The following DMXL1 variants were observed in gnomAD, a reference collection of about 807,000 sequenced individuals.
The protein encoded by DMXL1 is dmX-like protein 1.
In DMXL1, 99 loss-of-function variants were observed where a neutral mutation model predicts 319.2. The ratio of observed to expected loss-of-function variants is 0.31; its 90% confidence interval spans 0.26 to 0.37. The LOEUF is 0.37. DMXL1 is among the 10% of genes least tolerant of loss of function. DMXL1 has a pLI of 1.00. For synonymous variants in DMXL1, 1,385 were observed against 1,235.2 expected (o/e 1.12, Z -2.54); for missense variants, 3,745 against 3,595.6 (o/e 1.04, Z -1.06).
chr5:119,202,215 A>T (rs554465319), intron 32 of DMXL1, among the ~76,000 whole-genome samples: 71 of 152,104 alleles, frequency 4.7e-4, no homozygotes, highest in Admixed American at 1.6e-3. Flanking sequence ...AGTGCTGTGA[A>T]TTTCCCTCTT....
At chr5:119,125,221 G>A (rs1312089813) in intron 9 of DMXL1, among the ~76,000 whole-genome samples, 4 of 152,122 alleles carry the variant, frequency 2.6e-5, no homozygotes, top group African/African-American at 9.7e-5. Flanking sequence ...ATACAGAATG[G>A]TGACTTTTTT....
intron 1 of DMXL1, among the ~76,000 whole-genome samples, chr5:119,078,910 A>G (rs917604468): frequency 5.3e-5 from 8 of 152,240 alleles, no homozygotes; most frequent in African/African-American, 1.9e-4. Context: ...AGCATGAGTT[A>G]ATTTAGCAAC....
intron 2 of DMXL1, among the ~76,000 whole-genome samples, chr5:119,098,487 T>A (rs1037041119): frequency 2.6e-5 from 4 of 152,270 alleles, no homozygotes; most frequent in Admixed American, 6.5e-5. Context: ...AGTTATCTCC[T>A]TGTAACTTCT....
intron 16 of DMXL1, 135 bp from the exon 17 acceptor site, chr5:119,147,114 T>C (rs1352378788): frequency 1.7e-6 from 2 of 1,148,626 alleles, no homozygotes; most frequent in Non-Finnish European, 2.5e-6. Context: ...TCTTATTTTC[T>C]TTCTGTGAAG....
At chr5:119,095,544 A>T (rs1755754641) in intron 1 of DMXL1, among the ~76,000 whole-genome samples, 1 of 152,220 alleles carries the variant, frequency 6.6e-6, no homozygotes. Context: ...GGTACAACAA[A>T]GGTGAAGTTG....
Position 119,177,980 on chromosome 5 carries a change from T to G in DMXL1, c.6887-16T>G, listed in dbSNP as rs1776125933. 1.9e-6 allele frequency: 3 copies of G among 1,576,870 alleles called. No individual in the cohort carries two copies. The highest frequency in any genetic ancestry group is 2.6e-6 in the Non-Finnish European group (3 of 1,160,662). ...AATTTATAGTCAGTGACAGCTATGT[T>G]TGTTTGTCGTTCTAGGAATAACTTG... On this transcript the variant is annotated splice_polypyrimidine_tract_variant and intron_variant, in intron 27 of 43. Transcript: ENST00000539542.
rs1488910036 is a variant in DMXL1 at position 119,178,124 on chromosome 5, T to A, written c.7015T>A (p.Ser2339Thr). ...CTTCATCCATGGCCTGGCCACACAT[T>A]CAAGTAATGAGCTATTTCGGATTGT... ...SLFIHGLATH[S>T]SNELFRIVAH... The change falls in exon 28 of 44, where the codon TCA becomes ACA. Residue 2339 changes from serine to threonine, a missense_variant. By Grantham distance (58) the Ser-to-Thr change is moderately conservative. Transcript: ENST00000539542. 8.7e-6 allele frequency: 14 copies of A among 1,613,834 alleles called. No individual in the cohort carries two copies.
At chr5:119,164,111 T>A (rs529888732) in intron 19 of DMXL1, among the ~76,000 whole-genome samples, 6 of 152,100 alleles carry the variant, frequency 3.9e-5, no homozygotes, top group Middle Eastern at 3.4e-3. Flanking sequence ...TTTTTTTTTT[T>A]ACTAATTCCA....
At chr5:119,076,339 C>T (rs1021466308) in intron 1 of DMXL1, among the ~76,000 whole-genome samples, 2 of 151,678 alleles carry the variant, frequency 1.3e-5, no homozygotes, top group Non-Finnish European at 2.9e-5. Context: ...GTTTTGTTTA[C>T]TTTAAGGAAA....
chr5:119,075,504 A>T (rs1006153851), intron 1 of DMXL1, among the ~76,000 whole-genome samples: 2 of 151,768 alleles, frequency 1.3e-5, no homozygotes, highest in African/African-American at 4.8e-5. Context: ...CTCCCCACGT[A>T]CTGGGATTAC....
chr5:119,170,059 T>C, intron 23 of DMXL1, 131 bp from the exon 24 acceptor site: 1 of 776,154 alleles, frequency 1.3e-6, no homozygotes, highest in African/African-American at 1.8e-5. Context: ...CATGGATCAT[T>C]GTGGCCTATT....
At chr5:119,072,239 C>T (rs1308468371) in intron 1 of DMXL1, among the ~76,000 whole-genome samples, 1 of 152,040 alleles carries the variant, frequency 6.6e-6, no homozygotes, top group Non-Finnish European at 1.5e-5. Flanking sequence ...TTTACAATAA[C>T]CTGGTAATCC....
chr5:119,076,401 GT>G (rs79009167), intron 1 of DMXL1, among the ~76,000 whole-genome samples: 4 of 147,356 alleles, frequency 2.7e-5, no homozygotes, highest in South Asian at 2.2e-4. Context: ...GAAGGTGTTT[GT>G]TTTTTTTTTC....
chr5:119,224,624 A>G (rs1425114923), intron 37 of DMXL1, 85 bp from the exon 38 acceptor site: 5 of 499,438 alleles, frequency 1.0e-5, no homozygotes, highest in Admixed American at 6.5e-5. Flanking sequence ...AAATAAATAA[A>G]TGAATGTTAT....
chr5:119,071,283 G>T lies in DMXL1; in HGVS notation c.-287G>T. On this transcript the variant is annotated 5_prime_UTR_variant, in exon 1 of 44. Coordinates refer to ENST00000539542, the MANE Select transcript of DMXL1 (RefSeq NM_001290321.3). ...GTGAGTCGGCCCCGGGTCGTGGCCG[G>T]TGAGGGGACCCTGAGCTTCACCTGG... 1 of 426,864 alleles carries T rather than the reference G, an allele frequency of 2.3e-6. No homozygotes were observed. The allele number at this position is 426,864 out of a possible 1,614,324, so 26.4% of individuals were successfully genotyped here.
At chr5:119,238,146 CTG>C (rs1291328328) in intron 40 of DMXL1, among the ~76,000 whole-genome samples, 3 of 150,990 alleles carry the variant, frequency 2.0e-5, no homozygotes, top group Non-Finnish European at 2.9e-5. Flanking sequence ...CTCTAAGGGA[CTG>C]TTTTTTTTAA....
At chr5:119,077,221 G>C (rs1751080522) in intron 1 of DMXL1, among the ~76,000 whole-genome samples, 1 of 152,018 alleles carries the variant, frequency 6.6e-6, no homozygotes, top group Non-Finnish European at 1.5e-5. Context: ...GGAACTCCTG[G>C]GCTCAGGTGA....
At chr5:119,147,226 G>C (rs1439934043) in intron 16 of DMXL1, 23 bp from the exon 17 acceptor site, 1 of 1,593,826 alleles carries the variant, frequency 6.3e-7, no homozygotes. Context: ...CTCAGTTTTT[G>C]GTTCTTTTCT....
intron 13 of DMXL1, among the ~76,000 whole-genome samples, chr5:119,138,179 TA>T (rs1224094808): frequency 5.3e-5 from 8 of 152,006 alleles, no homozygotes; most frequent in African/African-American, 1.9e-4. Context: ...GCAGAGATGA[TA>T]AAAATGGCCA....
Sources: gnomAD v4.1 joint callset for allele counts (sites outside exome capture counted in the v4.1 genomes callset) on GRCh38, gnomAD v4.1.1 for gene constraint, MANE v1.5 for transcripts, NCBI Gene and HGNC (gene_info 2026-07-23, HGNC 2026-07-21) for gene names.